The following RNF180 variants were observed in gnomAD, a reference collection of about 807,000 sequenced individuals.
The protein encoded by RNF180 is E3 ubiquitin-protein ligase RNF180.
RNF180 carries 38 observed loss-of-function variants against 59.2 expected under a neutral mutation model. That is an observed-to-expected ratio of 0.64 (90% CI 0.50 to 0.84). The LOEUF (loss-of-function observed/expected upper bound fraction) is 0.84, where lower values mean the gene tolerates loss of function less well. Among genes scored for constraint, RNF180 ranks in the 40% least tolerant of loss-of-function variants. RNF180 has a pLI of 0.00. For synonymous variants in RNF180, 262 were observed against 240.3 expected, an observed-to-expected ratio of 1.09 and a Z score of -0.84; for missense variants, 705 against 700.9, an observed-to-expected ratio of 1.01 and a Z score of -0.07.
At chr5:64,312,748 G>A (rs1231340334) in intron 5 of RNF180, among the ~76,000 whole-genome samples, 2 of 152,022 alleles carry the variant, frequency 1.3e-5, no homozygotes, top group South Asian at 4.1e-4. Context: ...CCAACTGCAG[G>A]TCCCTTAGAC....
chr5:64,292,533 G>C (rs1580193304), intron 5 of RNF180, among the ~76,000 whole-genome samples: 1 of 152,150 alleles, frequency 6.6e-6, no homozygotes, highest in Non-Finnish European at 1.5e-5. Context: ...ATGCTAACCT[G>C]TTTCTGGCTT....
intron 5 of RNF180, among the ~76,000 whole-genome samples, chr5:64,239,929 T>G (rs1328154564): frequency 6.6e-6 from 1 of 152,140 alleles, no homozygotes; most frequent in Non-Finnish European, 1.5e-5. Context: ...AAATCTTTAA[T>G]TAAATGTCTA....
intron 7 of RNF180, among the ~76,000 whole-genome samples, chr5:64,367,342 C>T (rs555155329): frequency 1.1e-4 from 17 of 151,546 alleles, no homozygotes; most frequent in African/African-American, 3.9e-4. Context: ...CACCAGACTA[C>T]AAAGATAAAC....
intron 2 of RNF180, among the ~76,000 whole-genome samples, chr5:64,203,456 T>C (rs1399354674): frequency 3.9e-5 from 6 of 152,132 alleles, no homozygotes; most frequent in African/African-American, 1.2e-4. Flanking sequence ...CCCCATAAAG[T>C]TTCCTCAGGC....
At position 64,339,724 on chromosome 5, in the gene RNF180, G is replaced by A. The variant is rs191395855; in HGVS notation, c.1579+9318G>A. Among the ~76,000 whole-genome samples, 577 of 151,530 alleles carry A rather than the reference G, an allele frequency of 3.8e-3. 5 individuals are homozygous for A. The highest frequency in any genetic ancestry group is 0.011 in the South Asian group (54 of 4,796). Reference sequence around the variant, plus strand: ...TTTTTTCACACACACACAAAATTGCGAAGACAAACAGTTACAGATTTTCCA... The same window carrying A: ...TTTTTTCACACACACACAAAATTGCAAAGACAAACAGTTACAGATTTTCCA... On this transcript the variant is annotated intron_variant, in intron 7 of 7. Transcript: ENST00000389100.
chr5:64,245,775 C>T (rs1479891383), intron 5 of RNF180, among the ~76,000 whole-genome samples: 1 of 152,154 alleles, frequency 6.6e-6, no homozygotes, highest in Non-Finnish European at 1.5e-5. Context: ...ATCTAATAGA[C>T]ATCTACAGAA....
intron 5 of RNF180, among the ~76,000 whole-genome samples, chr5:64,289,150 A>G (rs1208153809): frequency 6.6e-6 from 1 of 152,196 alleles, no homozygotes; most frequent in Non-Finnish European, 1.5e-5. Flanking sequence ...TGAGATAATC[A>G]TGTGGTTTTT....
At chr5:64,243,314 G>A (rs572885958) in intron 5 of RNF180, among the ~76,000 whole-genome samples, 31 of 152,262 alleles carry the variant, frequency 2.0e-4, no homozygotes, top group African/African-American at 6.7e-4. Context: ...CACCCCCATG[G>A]AGCCAGCTAA....
rs149749673 is a variant in RNF180, at chr5:64,184,646, T to C, written c.1-16162T>C. Among the ~76,000 whole-genome samples, 105 of 152,210 alleles carry C rather than the reference T, an allele frequency of 6.9e-4. 1 individual carries two copies. In the East Asian group the frequency reaches 0.015, roughly 22 times the overall value. On this transcript the variant is annotated intron_variant, in intron 1 of 7. Transcript: ENST00000389100. ...CACCTGAGAATCCTAAAATTTCAGG[T>C]TTGGGGATTTGAATTTATACTATTA... is the stretch of plus-strand genomic sequence containing the variant.
chr5:64,360,950 T>C lies in RNF180; in HGVS notation c.1580-8665T>C, dbSNP rs528894408. Among the ~76,000 whole-genome samples, 7 of 151,806 alleles carry C rather than the reference T, an allele frequency of 4.6e-5. No homozygotes were observed. The South Asian group carries it at 1.2e-3, about 27-fold the overall frequency. On this transcript the variant is annotated intron_variant, in intron 7 of 7. Transcript: ENST00000389100. ...TTTATAATAGGCATTAAATATGCTA[T>C]ATTCTAATACAAACAAACCTATACT... is the stretch of plus-strand genomic sequence containing the variant.
At chr5:64,263,528 C>G (rs183058698) in intron 5 of RNF180, among the ~76,000 whole-genome samples, 9 of 152,204 alleles carry the variant, frequency 5.9e-5, no homozygotes, top group African/African-American at 1.9e-4. Flanking sequence ...TCAGATTTTG[C>G]TTAGCTGTTT....
At chr5:64,244,999 A>G (rs2112250958) in intron 5 of RNF180, among the ~76,000 whole-genome samples, 1 of 152,364 alleles carries the variant, frequency 6.6e-6, no homozygotes, top group East Asian at 1.9e-4. Flanking sequence ...AAGCTTCATA[A>G]GCAAAGGAGA....
chr5:64,342,883 C>T (rs926630537), intron 7 of RNF180, among the ~76,000 whole-genome samples: 1 of 152,144 alleles, frequency 6.6e-6, no homozygotes, highest in Non-Finnish European at 1.5e-5. Context: ...CAGCAATAAA[C>T]ACAGCGTAGG....
chr5:64,222,441 A>G (rs7729392), intron 5 of RNF180, among the ~76,000 whole-genome samples: 68,509 of 152,004 alleles, frequency 0.45, 16,902 homozygotes, highest in African/African-American at 0.66. Flanking sequence ...GGGAGGGGGT[A>G]CATGGGGGTG....
Position 64,210,001 on chromosome 5 carries a change from G to A in RNF180, c.136-2064G>A, listed in dbSNP as rs139882341. 3.2e-3 allele frequency among the ~76,000 whole-genome samples: 492 copies of A among 152,124 alleles called. 1 individual carries two copies. The highest frequency in any genetic ancestry group is 0.012 in the African/African-American group (484 of 41,510). On this transcript the variant is annotated intron_variant, in intron 2 of 7. Coordinates refer to ENST00000389100, the MANE Select transcript of RNF180 (RefSeq NM_001113561.2). Reference sequence around the variant, plus strand: ...TCTTTAAAAATTTTGTGTATGAGTTGGAGAGAAAAGCTAGTCATGACTGAA... The same window carrying A: ...TCTTTAAAAATTTTGTGTATGAGTTAGAGAGAAAAGCTAGTCATGACTGAA...
intron 5 of RNF180, among the ~76,000 whole-genome samples, chr5:64,291,990 T>C (rs937260510): frequency 7.9e-5 from 12 of 152,336 alleles, no homozygotes; most frequent in African/African-American, 2.9e-4. Context: ...AGGTCAGTTA[T>C]GCTTCTCTCT....
At chr5:64,212,404 A>T (rs1327197964) in intron 3 of RNF180, among the ~76,000 whole-genome samples, 1 of 152,020 alleles carries the variant, frequency 6.6e-6, no homozygotes, top group Admixed American at 6.6e-5. Flanking sequence ...ATACAGAAGC[A>T]TATATATGAC....
At chr5:64,220,753 A>G (rs184445602) in intron 5 of RNF180, among the ~76,000 whole-genome samples, 130 of 152,186 alleles carry the variant, frequency 8.5e-4, no homozygotes, top group African/African-American at 2.9e-3. Flanking sequence ...GGCCACAGGA[A>G]GCTGTTGTGA....
At chr5:64,304,638 A>T (rs1260178680) in intron 5 of RNF180, among the ~76,000 whole-genome samples, 3 of 151,652 alleles carry the variant, frequency 2.0e-5, no homozygotes, top group African/African-American at 7.3e-5. Flanking sequence ...GAAAAATGAG[A>T]AGTTGCTTCT....
Sources: allele counts gnomAD v4.1 joint callset (sites outside exome capture counted in the v4.1 genomes callset), GRCh38; gene constraint gnomAD v4.1.1; transcripts MANE v1.5; gene names NCBI Gene and HGNC (gene_info 2026-07-23, HGNC 2026-07-21).